SPIRE1: variants seen among roughly 807,000 people sequenced by gnomAD.
The protein encoded by SPIRE1 is spire type actin nucleation factor 1.
SPIRE1 carries 40 observed loss-of-function variants against 94.1 expected under a neutral mutation model. The observed-to-expected ratio is 0.43, with a 90% confidence interval of 0.33 to 0.55. SPIRE1 has a LOEUF of 0.55. Ranked by LOEUF, SPIRE1 falls within the 20% of genes least tolerant of loss-of-function variation. The probability of loss-of-function intolerance (pLI) is 0.06; values close to 1 mark genes in which losing one functional copy is unlikely to be tolerated. For missense variants in SPIRE1, 838 were observed against 975.2 expected, an observed-to-expected ratio of 0.86 and a Z score of 1.87; for synonymous variants, 376 against 371.7, an observed-to-expected ratio of 1.01 and a Z score of -0.13.
chr18:12,520,384 T>C (rs1307304204), intron 4 of SPIRE1, among the ~76,000 whole-genome samples: 1 of 152,168 alleles, frequency 6.6e-6, no homozygotes, highest in Non-Finnish European at 1.5e-5. Context: ...AATTAAGTTT[T>C]AAAAGCTGCA....
intron 4 of SPIRE1, among the ~76,000 whole-genome samples, chr18:12,534,412 A>G (rs899903993): frequency 1.3e-5 from 2 of 152,170 alleles, no homozygotes; most frequent in Non-Finnish European, 2.9e-5. Context: ...TGTCGACTTG[A>G]CTGAATTAAA....
chr18:12,452,988 G>C (rs1413425758), intron 14 of SPIRE1, 80 bp downstream of exon 14: 1 of 875,228 alleles, frequency 1.1e-6, no homozygotes, highest in East Asian at 2.5e-5. Flanking sequence ...TGTTTAGAAA[G>C]ATGGTGAAAT....
intron 2 of SPIRE1, among the ~76,000 whole-genome samples, chr18:12,579,642 C>T (rs2036205284): frequency 6.6e-6 from 1 of 152,186 alleles, no homozygotes; most frequent in African/African-American, 2.4e-5. Context: ...TGTATTTTAT[C>T]ACAAACATAT....
At chr18:12,651,587 T>G (rs1451323455) in intron 1 of SPIRE1, among the ~76,000 whole-genome samples, 2 of 151,868 alleles carry the variant, frequency 1.3e-5, no homozygotes, top group Non-Finnish European at 2.9e-5. Flanking sequence ...GGCAGGAGAA[T>G]CGCTTGAACC....
chr18:12,506,782 T>C (rs1338528227), intron 5 of SPIRE1, 141 bp from the exon 6 acceptor site: 1 of 861,244 alleles, frequency 1.2e-6, no homozygotes, highest in Admixed American at 2.8e-5. Flanking sequence ...AAATTAGATT[T>C]TGGGTACTAA....
intron 16 of SPIRE1, chr18:12,450,973 GA>G: frequency 2.3e-5 from 13 of 564,906 alleles, no homozygotes; most frequent in Admixed American, 6.8e-5. Context: ...AAGTTGCCCA[GA>G]AAAAGGTGGA....
intron 2 of SPIRE1, among the ~76,000 whole-genome samples, chr18:12,565,310 A>G (rs67268432): frequency 0.34 from 51,598 of 152,180 alleles, 10,258 homozygotes; most frequent in East Asian, 0.58. Flanking sequence ...ACCTGCATCA[A>G]CCTAGAGTTT....
At chr18:12,498,955 G>A (rs1236307813) in intron 6 of SPIRE1, among the ~76,000 whole-genome samples, 1 of 152,014 alleles carries the variant, frequency 6.6e-6, no homozygotes, top group Non-Finnish European at 1.5e-5. Flanking sequence ...ATGGAGATGG[G>A]GTCTCACTAA....
chr18:12,658,781 C>G (rs1475982595), upstream of SPIRE1: 1 of 327,742 alleles, frequency 3.1e-6, no homozygotes, highest in Non-Finnish European at 6.3e-6. Context: ...AGGGTAAGCA[C>G]CGTAAAGACG....
chr18:12,477,502 T>A (rs554474731), intron 10 of SPIRE1, among the ~76,000 whole-genome samples: 2 of 152,204 alleles, frequency 1.3e-5, no homozygotes, highest in African/African-American at 4.8e-5. Flanking sequence ...ATCTAAATAT[T>A]TGAGTGTCTA....
intron 8 of SPIRE1, among the ~76,000 whole-genome samples, chr18:12,490,959 A>G (rs1000123798): frequency 7.9e-5 from 12 of 152,142 alleles, no homozygotes; most frequent in Admixed American, 3.3e-4. Flanking sequence ...AATAAAAGGC[A>G]TCCAATTGGA....
intron 2 of SPIRE1, among the ~76,000 whole-genome samples, chr18:12,586,554 C>T (rs755984554): frequency 1.6e-4 from 24 of 152,198 alleles, no homozygotes; most frequent in Non-Finnish European, 2.8e-4. Flanking sequence ...GTCATGGCAT[C>T]TGCTATACTT....
At chr18:12,612,721 T>C (rs533440565) in intron 2 of SPIRE1, among the ~76,000 whole-genome samples, 1 of 152,302 alleles carries the variant, frequency 6.6e-6, no homozygotes, top group South Asian at 2.1e-4. Context: ...ATATCCTAAC[T>C]CACCTGCCTC....
intron 2 of SPIRE1, among the ~76,000 whole-genome samples, chr18:12,599,242 T>C (rs1387327692): frequency 6.6e-6 from 1 of 152,198 alleles, no homozygotes; most frequent in Non-Finnish European, 1.5e-5. Context: ...ATTGCATTTG[T>C]TGTCTTATCT....
chr18:12,557,655 A>C (rs941098716), intron 2 of SPIRE1, among the ~76,000 whole-genome samples: 7 of 152,086 alleles, frequency 4.6e-5, no homozygotes, highest in South Asian at 2.1e-4. Context: ...AGGCCTGAGG[A>C]GGCACCAAGA....
intron 2 of SPIRE1, among the ~76,000 whole-genome samples, chr18:12,580,304 C>CT (rs1389434058): frequency 6.6e-6 from 1 of 151,996 alleles, no homozygotes; most frequent in Non-Finnish European, 1.5e-5. Flanking sequence ...TCCCAACCAT[C>CT]TAATAATGTG....
chr18:12,452,288 G>A lies in SPIRE1; in HGVS notation c.1979C>T (p.Thr660Ile), dbSNP rs1002627248. The change falls in exon 16 of 17, where the codon ACT becomes ATT. Residue 660 changes from threonine (T) to isoleucine (I), a missense_variant. By Grantham distance (89) the Thr-to-Ile change is moderately conservative. Around this residue, in one of 2 missense-constraint regions of SPIRE1, gnomAD observed 645 missense variants for 804.7 expected, o/e 0.80. Transcript: ENST00000409402. ...ESSMRSEKPS[T>I]AHHRPLRSIA... ...GCTCCGAAGTGGCCGATGATGGGCA[G>A]TGGAGGGTTTTTCTGACCTCATACT... 13 of 1,614,054 alleles carry A rather than the reference G, an allele frequency of 8.1e-6. No individual in the cohort carries two copies. Among genetic ancestry groups the A allele is most frequent in the Non-Finnish European group, 1.0e-5 (12 of 1,180,050 alleles).
upstream of SPIRE1, chr18:12,658,432 C>A (rs1160084748): frequency 2.5e-6 from 1 of 401,728 alleles, no homozygotes; most frequent in Non-Finnish European, 5.2e-6. Flanking sequence ...CGGGGCCGGG[C>A]GCGCGGTCGG....
At chr18:12,465,435 G>A (rs1420757770) in intron 10 of SPIRE1, among the ~76,000 whole-genome samples, 1 of 152,150 alleles carries the variant, frequency 6.6e-6, no homozygotes, top group African/African-American at 2.4e-5. Flanking sequence ...TAACAGGTGT[G>A]AGCCGCTGCA....
Sources: allele counts gnomAD v4.1 joint callset (sites outside exome capture counted in the v4.1 genomes callset), GRCh38; gene constraint gnomAD v4.1.1; regional missense constraint gnomAD v4.1.1; transcripts MANE v1.5; gene names NCBI Gene and HGNC (gene_info 2026-07-23, HGNC 2026-07-21).